Variants in GAREM1 observed in about 807,000 individuals in gnomAD.
GAREM1 encodes the protein GRB2 associated regulator of MAPK1 subtype 1.
Under a neutral mutation model 71.3 loss-of-function variants are expected in GAREM1, and 26 were observed. The ratio of observed to expected loss-of-function variants is 0.36; its 90% confidence interval spans 0.27 to 0.51. GAREM1 has a LOEUF of 0.51. Among genes scored for constraint, GAREM1 ranks in the 20% least tolerant of loss-of-function variants. The pLI is 0.95. For missense variants in GAREM1, 1,026 were observed against 1,103.1 expected, an observed-to-expected ratio of 0.93 and a Z score of 0.99; for synonymous variants, 440 against 433.2, an observed-to-expected ratio of 1.02 and a Z score of -0.20.
intron 1 of GAREM1, among the ~76,000 whole-genome samples, chr18:32,463,805 G>A (rs1230324903): frequency 1.2e-4 from 18 of 151,498 alleles, no homozygotes; most frequent in South Asian, 8.4e-4. Context: ...TCCTGACCTC[G>A]TGATCCGCCC....
chr18:32,317,453 T>C lies in GAREM1; in HGVS notation c.263-7130A>G, dbSNP rs1005193928. Among the ~76,000 whole-genome samples, 5 of 150,142 alleles carry C rather than the reference T, an allele frequency of 3.3e-5. No individual in the cohort carries two copies. The East Asian group carries it at 5.9e-4, about 18-fold the overall frequency. ...GAAAGTGACTCGTCCTTTTATTGCA[T>C]ACCACTGAACAGTCATACCAGAGTC... On this transcript the variant is annotated intron_variant, in intron 2 of 5. Transcript: ENST00000269209.
At chr18:32,315,416 AAT>A (rs1052857670) in intron 2 of GAREM1, among the ~76,000 whole-genome samples, 66 of 147,884 alleles carry the variant, frequency 4.5e-4, no homozygotes, top group African/African-American at 1.5e-3. Flanking sequence ...GTATTATATA[AAT>A]ATATATAAAG....
At chr18:32,325,922 G>A (rs535039155) in intron 2 of GAREM1, among the ~76,000 whole-genome samples, 83 of 152,276 alleles carry the variant, frequency 5.5e-4, no homozygotes, top group African/African-American at 2.0e-3. Flanking sequence ...AGGACTCAAT[G>A]AGCATGTATG....
At chr18:32,356,660 A>T (rs944638435) in intron 2 of GAREM1, among the ~76,000 whole-genome samples, 1 of 152,168 alleles carries the variant, frequency 6.6e-6, no homozygotes, top group African/African-American at 2.4e-5. Context: ...AATCTCCCCT[A>T]TGACATATGG....
At chr18:32,347,834 GTA>G (rs1218768381) in intron 2 of GAREM1, among the ~76,000 whole-genome samples, 9 of 152,158 alleles carry the variant, frequency 5.9e-5, no homozygotes, top group Non-Finnish European at 8.8e-5. Flanking sequence ...AGACCATCTT[GTA>G]TATCCTTTCA....
At chr18:32,465,087 C>T (rs1195385936) in intron 1 of GAREM1, among the ~76,000 whole-genome samples, 1 of 152,118 alleles carries the variant, frequency 6.6e-6, no homozygotes, top group Admixed American at 6.5e-5. Flanking sequence ...TCTAACAGAA[C>T]GAAGGTCTCT....
At chr18:32,351,358 G>T (rs1192282068) in intron 2 of GAREM1, among the ~76,000 whole-genome samples, 2 of 152,020 alleles carry the variant, frequency 1.3e-5, no homozygotes. Context: ...AGCAGAGAAG[G>T]CCTATGTAAA....
At chr18:32,412,278 C>T (rs973788749) in intron 1 of GAREM1, 86 of 1,584,160 alleles carry the variant, frequency 5.4e-5, no homozygotes, top group African/African-American at 9.4e-5. Flanking sequence ...ACCTTGGTTT[C>T]GTGGTTTTGC....
chr18:32,344,292 A>G (rs1315994699), intron 2 of GAREM1, among the ~76,000 whole-genome samples: 1 of 151,952 alleles, frequency 6.6e-6, no homozygotes, highest in Non-Finnish European at 1.5e-5. Flanking sequence ...TGAACCACTG[A>G]CCTCTTCCCC....
At chr18:32,347,297 G>A (rs566693898) in intron 2 of GAREM1, among the ~76,000 whole-genome samples, 79 of 152,174 alleles carry the variant, frequency 5.2e-4, no homozygotes, top group African/African-American at 1.8e-3. Flanking sequence ...CCAGGAGTTC[G>A]AGACCAGCCT....
chr18:32,315,059 A>C (rs1296738532), intron 2 of GAREM1, among the ~76,000 whole-genome samples: 3 of 152,114 alleles, frequency 2.0e-5, no homozygotes, highest in Non-Finnish European at 4.4e-5. Context: ...CTCAAGATGC[A>C]GGGATTCATA....
At chr18:32,435,492 T>C (rs1013746523) in intron 1 of GAREM1, among the ~76,000 whole-genome samples, 1 of 152,194 alleles carries the variant, frequency 6.6e-6, no homozygotes, top group Non-Finnish European at 1.5e-5. Flanking sequence ...TAATTGGCTG[T>C]CTGAATACTA....
intron 1 of GAREM1, among the ~76,000 whole-genome samples, chr18:32,405,828 T>C (rs530950900): frequency 2.6e-5 from 4 of 152,310 alleles, no homozygotes; most frequent in Admixed American, 2.6e-4. Context: ...AATTCAAACA[T>C]ATTCGAACAA....
chr18:32,288,045 G>C lies in GAREM1; in HGVS notation c.552C>G (p.Leu184=). 1 of 1,614,098 alleles carries C rather than the reference G, an allele frequency of 6.2e-7. No individual in the cohort carries two copies. Residue 184 remains leucine, a synonymous_variant, in exon 4 of 6, where the codon CTC becomes CTG. Coordinates refer to ENST00000269209, the MANE Select transcript of GAREM1 (RefSeq NM_001242409.2). ...CTTTTCCCAGCTTGCTGATGGAATT[G>C]AGCTTCCCAATCTTTTTGAAGATTG... ...LNTIFKKIGK[L]NSISKLGKGK...
intron 3 of GAREM1, among the ~76,000 whole-genome samples, chr18:32,297,399 T>C (rs1022463503): frequency 2.6e-5 from 4 of 152,228 alleles, no homozygotes; most frequent in African/African-American, 7.2e-5. Flanking sequence ...TGTAAACAAA[T>C]GCTCACAGTG....
chr18:32,395,928 G>A (rs762029990), intron 1 of GAREM1, among the ~76,000 whole-genome samples: 11 of 152,180 alleles, frequency 7.2e-5, no homozygotes, highest in South Asian at 2.1e-4. Context: ...GGGGCAGACT[G>A]ACACCTCACA....
chr18:32,377,268 C>T (rs1329547464), intron 2 of GAREM1, among the ~76,000 whole-genome samples: 3 of 152,152 alleles, frequency 2.0e-5, no homozygotes, highest in African/African-American at 7.2e-5. Flanking sequence ...TGGATCAGTA[C>T]TATATTGTTG....
intron 2 of GAREM1, among the ~76,000 whole-genome samples, chr18:32,371,476 G>A (rs540957201): frequency 1.1e-4 from 17 of 152,222 alleles, no homozygotes; most frequent in Non-Finnish European, 2.5e-4. Context: ...GTCTTCTTAA[G>A]TCACATTTGA....
intron 1 of GAREM1, among the ~76,000 whole-genome samples, chr18:32,462,607 T>C (rs536326257): frequency 5.3e-5 from 8 of 152,354 alleles, no homozygotes; most frequent in Non-Finnish European, 8.8e-5. Context: ...AGAAGCTTTT[T>C]AGTATGATGT....
Sources: gnomAD v4.1 joint callset for allele counts (sites outside exome capture counted in the v4.1 genomes callset) on GRCh38, gnomAD v4.1.1 for gene constraint, MANE v1.5 for transcripts, NCBI Gene and HGNC (gene_info 2026-07-23, HGNC 2026-07-21) for gene names.